The following USH2A variants were observed in gnomAD, a reference collection of about 807,000 sequenced individuals.
USH2A encodes the protein Usher syndrome 2A (autosomal recessive, mild).
USH2A carries 443 observed loss-of-function variants against 538.9 expected under a neutral mutation model. That is an observed-to-expected ratio of 0.82 (90% CI 0.76 to 0.89). USH2A has a LOEUF of 0.89. Among genes scored for constraint, USH2A ranks in the 40% least tolerant of loss-of-function variants. The pLI, the probability that USH2A is intolerant of heterozygous loss-of-function variation, is 0.00. For synonymous variants in USH2A, 2,413 were observed against 2,273.5 expected (o/e 1.06, Z -1.75); for missense variants, 6,633 against 6,324.8 (o/e 1.05, Z -1.65).
intron 44 of USH2A, among the ~76,000 whole-genome samples, chr1:215,847,027 CAA>C (rs1663868822): frequency 6.6e-6 from 1 of 152,074 alleles, no homozygotes; most frequent in Non-Finnish European, 1.5e-5. Context: ...TAAAAGATAC[CAA>C]AATCAATCAC....
intron 47 of USH2A, among the ~76,000 whole-genome samples, chr1:215,836,422 C>A (rs1444535723): frequency 9.0e-6 from 1 of 110,760 alleles, no homozygotes; most frequent in African/African-American, 3.2e-5. Flanking sequence ...GTCTTATGCT[C>A]TTTTGTATTA....
rs1475554442 is a variant in USH2A at position 216,324,090 on chromosome 1, A to G, written c.1328+78T>C. 3 of 1,497,896 alleles carry G rather than the reference A, an allele frequency of 2.0e-6. No homozygotes were observed. In the Admixed American group the frequency reaches 5.8e-5, roughly 29 times the overall value. The allele number at this position is 1,497,896 out of a possible 1,614,324, so 92.8% of individuals were successfully genotyped here. ...TTGGTGGTGAAGGGAAGTCTCCACC[A>G]GCCTAGAGAGCTAGCATACTTGTAC... On this transcript the variant is annotated intron_variant, in intron 7 of 71. Transcript: ENST00000307340.
At chr1:216,355,586 G>A (rs1160209412) in intron 4 of USH2A, among the ~76,000 whole-genome samples, 1 of 152,104 alleles carries the variant, frequency 6.6e-6, no homozygotes, top group Non-Finnish European at 1.5e-5. Flanking sequence ...GCTTCAGCAG[G>A]CTGAGCTACA....
rs756258149 is a variant in USH2A at position 215,671,199 on chromosome 1, G to A, written c.13906C>T (p.Pro4636Ser). ...QTPEIAPLMQ[P>S]PPHLEVQMAP... ...ATTTGTACCTCCAGATGTGGAGGGG[G>A]TTGCATCAAAGGTGCAATCTCAGGG... is the stretch of plus-strand genomic sequence containing the variant. Residue 4636 changes from proline (P) to serine (S), a missense_variant, in exon 64 of 72, where the codon CCC becomes TCC. Transcript: ENST00000307340. 1.9e-6 allele frequency: 3 copies of A among 1,614,142 alleles called. No individual in the cohort carries two copies. Among genetic ancestry groups the A allele is most frequent in the Admixed American group, 1.7e-5 (1 of 60,032 alleles).
chr1:215,698,197 T>C (rs1181881980), intron 61 of USH2A, among the ~76,000 whole-genome samples: 1 of 152,210 alleles, frequency 6.6e-6, no homozygotes, highest in Non-Finnish European at 1.5e-5. Context: ...ATGGTGTATA[T>C]GTACCATATT....
chr1:216,204,470 T>A (rs754862357), intron 16 of USH2A: 5 of 152,198 alleles, frequency 3.3e-5, no homozygotes, highest in Non-Finnish European at 7.3e-5. Context: ...GGTACACCAG[T>A]ATATCATGAT....
At chr1:215,794,754 C>CA (rs1662079978) in intron 50 of USH2A, among the ~76,000 whole-genome samples, 1 of 152,122 alleles carries the variant, frequency 6.6e-6, no homozygotes, top group African/African-American at 2.4e-5. Flanking sequence ...GGGCTGTCAC[C>CA]ATTTGTGTAA....
At chr1:216,410,795 TTCA>T (rs2039475042) in intron 3 of USH2A, among the ~76,000 whole-genome samples, 1 of 152,140 alleles carries the variant, frequency 6.6e-6, no homozygotes, top group Non-Finnish European at 1.5e-5. Flanking sequence ...TACATATTCC[TTCA>T]TCAACAAGCC....
At chr1:215,868,122 A>T (rs1664529006) in intron 43 of USH2A, among the ~76,000 whole-genome samples, 1 of 152,156 alleles carries the variant, frequency 6.6e-6, no homozygotes, top group Admixed American at 6.6e-5. Flanking sequence ...GGTTTATTAG[A>T]TGATCAAGGA....
Position 216,089,221 on chromosome 1 carries a change from T to C in USH2A, c.4759-82A>G. On this transcript the variant is annotated intron_variant, in intron 22 of 71. Coordinates refer to ENST00000307340, the MANE Select transcript of USH2A (RefSeq NM_206933.4). Reference sequence around the variant, plus strand: ...CACACATATTTGTTATAAACCAATTTACAAGTTTCAAGATTATGATCCTGA... The same window carrying C: ...CACACATATTTGTTATAAACCAATTCACAAGTTTCAAGATTATGATCCTGA... 2.1e-6 allele frequency: 3 copies of C among 1,452,318 alleles called. No homozygotes were observed. In the South Asian group the frequency reaches 3.4e-5, roughly 17 times the overall value. 90.0% of individuals were successfully genotyped at this position (1,452,318 alleles called of 1,614,324 possible).
intron 68 of USH2A, 82 bp from the exon 69 acceptor site, chr1:215,639,320 T>C (rs1656603611): frequency 7.7e-7 from 1 of 1,300,632 alleles, no homozygotes; most frequent in African/African-American, 1.5e-5. Flanking sequence ...GAGCAATGCA[T>C]CATAGCATGA....
In USH2A at chr1:216,046,412, A is replaced by G; in HGVS notation, c.6325+19T>C. On this transcript the variant is annotated intron_variant, in intron 32 of 71. Transcript: ENST00000307340. ...GAATATAGACTATAACAATTCGCTG[A>G]TAACTCTAGAGGTCTTACCTGTGAC... The G allele has an allele frequency of 6.2e-7, 1 of 1,613,266 alleles. No individual in the cohort carries two copies. The highest frequency in any genetic ancestry group is 8.5e-7 in the Non-Finnish European group (1 of 1,179,356).
At chr1:216,420,713 A>G (rs1466135929) in intron 2 of USH2A, among the ~76,000 whole-genome samples, 1 of 152,192 alleles carries the variant, frequency 6.6e-6, no homozygotes, top group Non-Finnish European at 1.5e-5. Context: ...TGTTAATTAT[A>G]TAAACTGAGT....
rs573148488 is a variant in USH2A, at chr1:216,270,286, A to C, written c.1971+18994T>G. Among the ~76,000 whole-genome samples, 99 of 152,244 alleles carry C rather than the reference A, an allele frequency of 6.5e-4. 1 individual carries two copies. Among genetic ancestry groups the C allele is most frequent in the African/African-American group, 2.3e-3 (94 of 41,564 alleles). Reference sequence around the variant, plus strand: ...AAACAAAGTAAAAATTTAAAAAGCAAATTGAAGAATGTAAGAACAGGAAAT... The same window carrying C: ...AAACAAAGTAAAAATTTAAAAAGCACATTGAAGAATGTAAGAACAGGAAAT... On this transcript the variant is annotated intron_variant, in intron 11 of 71. Transcript: ENST00000307340.
At chr1:216,125,239 C>CAAA (rs5780870) in intron 21 of USH2A, among the ~76,000 whole-genome samples, 50,169 of 145,042 alleles carry the variant, frequency 0.35, 8,936 homozygotes, top group East Asian at 0.7. Flanking sequence ...TTTAAACAAG[C>CAAA]AAAAAAAAAA....
At chr1:215,747,088 T>C (rs542193550) in intron 58 of USH2A, among the ~76,000 whole-genome samples, 1 of 152,230 alleles carries the variant, frequency 6.6e-6, no homozygotes, top group African/African-American at 2.4e-5. Context: ...CACAAGAAAA[T>C]GTTTATGCTG....
intron 11 of USH2A, among the ~76,000 whole-genome samples, chr1:216,269,810 T>C (rs1449312685): frequency 6.6e-6 from 1 of 152,104 alleles, no homozygotes; most frequent in Non-Finnish European, 1.5e-5. Context: ...TCTGGAGCAA[T>C]GGTGGATATG....
At chr1:216,325,013 T>C (rs1455826870) in intron 6 of USH2A, among the ~76,000 whole-genome samples, 1 of 152,080 alleles carries the variant, frequency 6.6e-6, no homozygotes, top group South Asian at 2.1e-4. Flanking sequence ...AAAGGGATAA[T>C]TGATGCTCAC....
chr1:216,327,614 T>C lies in USH2A; in HGVS notation c.825A>G (p.Leu275=), dbSNP rs757800118. The change falls in exon 5 of 72, where the codon TTA becomes TTG. Residue 275 remains leucine, a synonymous_variant. Coordinates refer to ENST00000307340, the MANE Select transcript of USH2A (RefSeq NM_206933.4). The stretch of plus-strand genomic sequence containing the variant: ...ACCTGTTTGTAAGTGCCACTTGGTA[T>C]AATCGAAAATCTTGCATTCTTCCGA... ...QFVGRMQDFR[L]YQVALTNREI... 14 of 1,613,278 alleles carry C rather than the reference T, an allele frequency of 8.7e-6. No individual in the cohort carries two copies. Among genetic ancestry groups the C allele is most frequent in the South Asian group, 2.2e-5 (2 of 91,074 alleles).
Sources: gnomAD v4.1 joint callset for allele counts (sites outside exome capture counted in the v4.1 genomes callset) on GRCh38, gnomAD v4.1.1 for gene constraint, MANE v1.5 for transcripts, NCBI Gene and HGNC (gene_info 2026-07-23, HGNC 2026-07-21) for gene names.